The following DCLK1 variants were observed in gnomAD, a reference collection of about 807,000 sequenced individuals.
The protein encoded by DCLK1 is serine/threonine-protein kinase DCLK1.
DCLK1 carries 16 observed loss-of-function variants against 86.2 expected under a neutral mutation model. The ratio of observed to expected loss-of-function variants is 0.19; its 90% CI spans 0.13 to 0.28. The LOEUF is 0.28. Ranked by LOEUF, DCLK1 falls within the 10% of genes least tolerant of loss-of-function variation. The pLI is 1.00. For missense variants in DCLK1, 590 were observed against 940.2 expected (o/e 0.63, Z 4.87); for synonymous variants, 369 against 370.5 (o/e 1.00, Z 0.05).
At chr13:35,949,141 G>A (rs1419757852) in intron 3 of DCLK1, among the ~76,000 whole-genome samples, 2 of 152,196 alleles carry the variant, frequency 1.3e-5, no homozygotes, top group African/African-American at 4.8e-5. Flanking sequence ...TAACCCAAAA[G>A]AGGAGTATCT....
chr13:36,015,561 A>G (rs896136427), intron 3 of DCLK1, among the ~76,000 whole-genome samples: 1 of 152,190 alleles, frequency 6.6e-6, no homozygotes, highest in Admixed American at 6.5e-5. Flanking sequence ...CAGAGCTTCT[A>G]TGATGCTGTG....
rs1438658565 is a variant in DCLK1, at chr13:35,793,476, C to A, written c.1948G>T (p.Asp650Tyr). 2 of 1,592,228 alleles carry A rather than the reference C, an allele frequency of 1.3e-6. No homozygotes were observed. The highest frequency in any genetic ancestry group is 8.5e-7 in the Non-Finnish European group (1 of 1,171,486). ...QVLEHPWVNDDGLPENEHQLS... is the reference protein window; with the variant it reads ...QVLEHPWVNDYGLPENEHQLS... Reference sequence around the variant, plus strand: ...TGATGTTCATTTTCTGGGAGGCCATCATCCTGGAGAAAAAGAAATAAAGAG... The same window carrying A: ...TGATGTTCATTTTCTGGGAGGCCATAATCCTGGAGAAAAAGAAATAAAGAG... Residue 650 changes from aspartate (D) to tyrosine (Y), a missense_variant, in exon 16 of 17, where the codon GAT (aspartate) becomes TAT (tyrosine). Coordinates refer to ENST00000360631, the MANE Select transcript of DCLK1 (RefSeq NM_001330071.2).
At chr13:35,948,283 A>G (rs1877489683) in intron 3 of DCLK1, among the ~76,000 whole-genome samples, 1 of 152,178 alleles carries the variant, frequency 6.6e-6, no homozygotes, top group East Asian at 1.9e-4. Flanking sequence ...AACACTGCTG[A>G]TTTTTAACTA....
Position 35,942,578 on chromosome 13 carries a change from C to T in DCLK1, c.823+4780G>A, listed in dbSNP as rs561956469. 2.0e-5 allele frequency among the ~76,000 whole-genome samples: 3 copies of T among 152,282 alleles called. No individual in the cohort carries two copies. In the South Asian group the frequency reaches 6.2e-4, roughly 32 times the overall value. On this transcript the variant is annotated intron_variant, in intron 4 of 16. Transcript: ENST00000360631. ...TCACTCTCAGCAAACAAACACAATC[C>T]CTTCCTTCAGGGGCCTGATGGGACA...
chr13:35,951,914 G>A (rs563703169), intron 3 of DCLK1, among the ~76,000 whole-genome samples: 1 of 152,228 alleles, frequency 6.6e-6, no homozygotes, highest in African/African-American at 2.4e-5. Context: ...CGCGTTAGGT[G>A]CCATTTCTTT....
rs111509472 is a variant in DCLK1 at position 35,962,284 on chromosome 13, G to T, written c.724-14827C>A. On this transcript the variant is annotated intron_variant, in intron 3 of 16. Coordinates refer to ENST00000360631, the MANE Select transcript of DCLK1 (RefSeq NM_001330071.2). Reference sequence around the variant, plus strand: ...GATGAGGTCATCCTGGAGTTGAGCAGGCCCCTAAATCAATATGACTGGTGG... The same window carrying T: ...GATGAGGTCATCCTGGAGTTGAGCATGCCCCTAAATCAATATGACTGGTGG... 4.8e-3 allele frequency among the ~76,000 whole-genome samples: 734 copies of T among 152,230 alleles called. 5 individuals are homozygous for T. The highest frequency in any genetic ancestry group is 0.017 in the African/African-American group (697 of 41,528).
chr13:35,862,198 G>A lies in DCLK1; in HGVS notation c.941-7605C>T, dbSNP rs535885533. Among the ~76,000 whole-genome samples, 10 of 152,070 alleles carry A rather than the reference G, an allele frequency of 6.6e-5. No homozygotes were observed. In the East Asian group the frequency reaches 9.7e-4, roughly 15 times the overall value. ...GGTCTCCCAAATATATATTGTTAGC[G>A]CAGATCTCCTGACTTAGAACAGTTA... On this transcript the variant is annotated intron_variant, in intron 5 of 16. Coordinates refer to ENST00000360631, the MANE Select transcript of DCLK1 (RefSeq NM_001330071.2).
At chr13:35,996,074 G>A (rs1880459550) in intron 3 of DCLK1, among the ~76,000 whole-genome samples, 1 of 152,020 alleles carries the variant, frequency 6.6e-6, no homozygotes, top group Non-Finnish European at 1.5e-5. Flanking sequence ...GATTACAGGT[G>A]CCCACCACCA....
At chr13:36,060,252 T>A (rs906981530) in intron 3 of DCLK1, among the ~76,000 whole-genome samples, 6 of 152,294 alleles carry the variant, frequency 3.9e-5, no homozygotes, top group African/African-American at 7.2e-5. Context: ...TGGTCTAAAT[T>A]CCATTTTCTT....
chr13:35,891,001 T>C (rs1217046968), intron 4 of DCLK1, among the ~76,000 whole-genome samples: 1 of 152,102 alleles, frequency 6.6e-6, no homozygotes, highest in Non-Finnish European at 1.5e-5. Context: ...TTTTAATTTT[T>C]ATAGTGTTTT....
intron 5 of DCLK1, among the ~76,000 whole-genome samples, chr13:35,869,859 G>A (rs1307431441): frequency 6.6e-6 from 1 of 152,106 alleles, no homozygotes; most frequent in Non-Finnish European, 1.5e-5. Flanking sequence ...CAGACTACCC[G>A]ATCCTAATCA....
chr13:35,977,895 G>A (rs1304052588), intron 3 of DCLK1, among the ~76,000 whole-genome samples: 18 of 152,066 alleles, frequency 1.2e-4, no homozygotes, highest in Admixed American at 1.2e-3. Flanking sequence ...AGGTTCGGAA[G>A]CCATCATAAG....
rs1463152117 is a variant in DCLK1 at position 36,059,183 on chromosome 13, A to G, written c.723+52686T>C. Among the ~76,000 whole-genome samples the G allele has an allele frequency of 2.0e-5, 3 of 152,166 alleles. No individual in the cohort carries two copies. The East Asian group carries it at 5.8e-4, about 29-fold the overall frequency. Reference sequence around the variant, plus strand: ...CATACAGCTTCATTTACATTGAGAAACAAACAGAATTAGCGTCTGCGCCTC... The same window carrying G: ...CATACAGCTTCATTTACATTGAGAAGCAAACAGAATTAGCGTCTGCGCCTC... On this transcript the variant is annotated intron_variant, in intron 3 of 16. Transcript: ENST00000360631.
At chr13:36,046,010 G>A (rs977827743) in intron 3 of DCLK1, among the ~76,000 whole-genome samples, 1 of 152,016 alleles carries the variant, frequency 6.6e-6, no homozygotes, top group South Asian at 2.1e-4. Flanking sequence ...CTATTTTGCA[G>A]TGTTGCTTTT....
At chr13:35,785,029 T>G (rs575607079) in intron 16 of DCLK1, among the ~76,000 whole-genome samples, 1 of 152,312 alleles carries the variant, frequency 6.6e-6, no homozygotes, top group South Asian at 2.1e-4. Flanking sequence ...AGGACGGTGC[T>G]TGAATCCAAT....
At chr13:35,961,795 A>T (rs1053105603) in intron 3 of DCLK1, among the ~76,000 whole-genome samples, 1 of 152,218 alleles carries the variant, frequency 6.6e-6, no homozygotes, top group Admixed American at 6.5e-5. Flanking sequence ...CGCAAATCTC[A>T]AAATTAAAGT....
chr13:35,856,269 C>T (rs66492553), intron 5 of DCLK1, among the ~76,000 whole-genome samples: 36,175 of 152,032 alleles, frequency 0.24, 4,556 homozygotes, highest in East Asian at 0.41. Flanking sequence ...GTGAACTTCA[C>T]GCTCGGACCT....
intron 1 of DCLK1, among the ~76,000 whole-genome samples, chr13:36,130,671 C>G (rs925442154): frequency 1.3e-5 from 2 of 152,108 alleles, no homozygotes; most frequent in Admixed American, 1.3e-4. Flanking sequence ...AAGCACACAT[C>G]ACTGGCCCGG....
chr13:35,866,753 G>A (rs1871823365), intron 5 of DCLK1, among the ~76,000 whole-genome samples: 1 of 152,028 alleles, frequency 6.6e-6, no homozygotes, highest in South Asian at 2.1e-4. Flanking sequence ...GTTGGGTTTG[G>A]GGCAATACCA....
Sources: allele counts gnomAD v4.1 joint callset (sites outside exome capture counted in the v4.1 genomes callset), GRCh38; gene constraint gnomAD v4.1.1; transcripts MANE v1.5; gene names NCBI Gene and HGNC (gene_info 2026-07-23, HGNC 2026-07-21).